BPI: variants seen among roughly 807,000 people sequenced by gnomAD.
BPI encodes bactericidal permeability increasing protein.
BPI carries 48 observed loss-of-function variants against 57.6 expected under a neutral mutation model. The ratio of observed to expected loss-of-function variants is 0.83; its 90% confidence interval spans 0.66 to 1.06. The LOEUF (loss-of-function observed/expected upper bound fraction) is 1.06. BPI is among the 50% of genes least tolerant of loss of function. The pLI is 0.00. For missense variants in BPI, 651 were observed against 609.7 expected, an observed-to-expected ratio of 1.07 and a Z score of -0.71; for synonymous variants, 237 against 238.2, an observed-to-expected ratio of 0.99 and a Z score of 0.05.
chr20:38,323,962 G>A lies in BPI; in HGVS notation c.849G>A (p.Leu283=). The change falls in exon 8 of 15, where the codon CTG becomes CTA. Residue 283 remains leucine, a synonymous_variant. Coordinates refer to ENST00000642449, the MANE Select transcript of BPI (RefSeq NM_001725.3). ...CTGCCCATGACCGCATGGTATACCT[G>A]GGCCTCTCAGACTACTTCTTCAACA... The part of the protein sequence containing the change: ...FPAAHDRMVY[L]GLSDYFFNTA... 1 of 1,614,138 alleles carries A rather than the reference G, an allele frequency of 6.2e-7. No homozygotes were observed. Among genetic ancestry groups the A allele is most frequent in the Non-Finnish European group, 8.5e-7 (1 of 1,180,028 alleles).
chr20:38,310,833 G>C (rs1334990946), intron 4 of BPI, among the ~76,000 whole-genome samples, 181 bp downstream of exon 4: 1 of 152,226 alleles, frequency 6.6e-6, no homozygotes, highest in African/African-American at 2.4e-5. Context: ...CTTTCTCAAG[G>C]CATCATTTGT....
At chr20:38,324,512 G>A (rs1284225838) in intron 8 of BPI, among the ~76,000 whole-genome samples, 1 of 152,124 alleles carries the variant, frequency 6.6e-6, no homozygotes, top group Non-Finnish European at 1.5e-5. Flanking sequence ...TGGTTTGCAG[G>A]CAGATTGGGC....
intron 6 of BPI, 130 bp downstream of exon 6, chr20:38,318,606 G>T: frequency 5.1e-6 from 5 of 974,864 alleles, no homozygotes; most frequent in Non-Finnish European, 8.1e-6. Context: ...GAGCAGAGTA[G>T]TACATTATTT....
Position 38,334,378 on chromosome 20 carries a change from G to A in BPI, c.1273-52G>A, listed in dbSNP as rs2275956. ...TGGGGTGATGAGGACTGCTGGACCC[G>A]CAAGGTTCTGGCGATGCAGGGCCAT... On this transcript the variant is annotated intron_variant, in intron 12 of 14. Coordinates refer to ENST00000642449, the MANE Select transcript of BPI (RefSeq NM_001725.3). 475 of 1,547,780 alleles carry A rather than the reference G, an allele frequency of 3.1e-4. 6 individuals are homozygous for A. The East Asian group carries it at 8.8e-3, about 29-fold the overall frequency.
chr20:38,319,436 T>C (rs2076669690), intron 6 of BPI, among the ~76,000 whole-genome samples: 1 of 152,140 alleles, frequency 6.6e-6, no homozygotes. Context: ...GGTTGGCACA[T>C]AGTATATGCC....
intron 12 of BPI, among the ~76,000 whole-genome samples, chr20:38,331,392 A>C (rs2076741940): frequency 6.6e-6 from 1 of 152,180 alleles, no homozygotes; most frequent in Admixed American, 6.5e-5. Context: ...TGGTAGAGAA[A>C]ATCTGCTCAA....
chr20:38,316,338 G>A (rs2076651913), intron 5 of BPI, among the ~76,000 whole-genome samples: 1 of 152,216 alleles, frequency 6.6e-6, no homozygotes, highest in South Asian at 2.1e-4. Context: ...CCCTAAGGAG[G>A]ATTAAGAACC....
At position 38,332,026 on chromosome 20, in the gene BPI, G is replaced by A. The variant is rs2076745284; in HGVS notation, c.1272+936G>A. On this transcript the variant is annotated intron_variant, in intron 12 of 14. Transcript: ENST00000642449. Reference sequence around the variant, plus strand: ...GGAGAAGGAGCCAGCAGAGGAAACAGCAGGGGCAAAAGCCCTGTGGTAGAG... The same window carrying A: ...GGAGAAGGAGCCAGCAGAGGAAACAACAGGGGCAAAAGCCCTGTGGTAGAG... Among the ~76,000 whole-genome samples, 2 of 152,198 alleles carry A rather than the reference G, an allele frequency of 1.3e-5. 1 individual carries two copies. The highest frequency in any genetic ancestry group is 4.8e-5 in the African/African-American group (2 of 41,440).
At chr20:38,312,237 G>C (rs1454589480) in intron 5 of BPI, among the ~76,000 whole-genome samples, 1 of 151,956 alleles carries the variant, frequency 6.6e-6, no homozygotes, top group Non-Finnish European at 1.5e-5. Flanking sequence ...TTCTCTTTCT[G>C]CCTCCCTCTC....
Position 38,326,395 on chromosome 20 carries a change from C to T in BPI, c.1124C>T (p.Pro375Leu), listed in dbSNP as rs559600284. 5.6e-6 allele frequency: 9 copies of T among 1,614,102 alleles called. No individual in the cohort carries two copies. The African/African-American group carries it at 1.2e-4, about 22-fold the overall frequency. The change falls in exon 10 of 15, where the codon CCC becomes CTC. Residue 375 changes from proline (P) to leucine (L), a missense_variant. Coordinates refer to ENST00000642449, the MANE Select transcript of BPI (RefSeq NM_001725.3). ...AVDVQAFAVL[P>L]NSSLASLFLI... is the part of the protein sequence containing the mutation. ...GATGTCCAGGCCTTTGCCGTCCTCC[C>T]CAACTCCTCCCTGGCTTCCCTCTTC...
Position 38,313,298 on chromosome 20 carries a change from G to A in BPI, c.600+1361G>A, listed in dbSNP as rs370385122. On this transcript the variant is annotated intron_variant, in intron 5 of 14. Transcript: ENST00000642449. ...CTCGGCATGCTGAGGCAGGAGAATC[G>A]CTTGAACTTGGGAGGTGGAGGTTGT... Among the ~76,000 whole-genome samples, 8 of 147,652 alleles carry A rather than the reference G, an allele frequency of 5.4e-5. No individual in the cohort carries two copies. The South Asian group carries it at 6.4e-4, about 12-fold the overall frequency.
At chr20:38,305,779 G>A (rs1294769664) in intron 1 of BPI, among the ~76,000 whole-genome samples, 1 of 152,144 alleles carries the variant, frequency 6.6e-6, no homozygotes, top group Non-Finnish European at 1.5e-5. Flanking sequence ...CTACTTCCTA[G>A]GATTGTACAA....
chr20:38,319,911 C>A, intron 6 of BPI: 1 of 437,604 alleles, frequency 2.3e-6, no homozygotes. Context: ...GAGTTTGGTT[C>A]AAGCCTAGGT....
chr20:38,331,202 A>C lies in BPI; in HGVS notation c.1272+112A>C, dbSNP rs982590115. ...AGAGGCTACTGGCTCATTTGCATTT[A>C]ATTTGGTTGTGAATTAATAGTTCAA... On this transcript the variant is annotated intron_variant, in intron 12 of 14. Coordinates refer to ENST00000642449, the MANE Select transcript of BPI (RefSeq NM_001725.3). 7 of 1,330,658 alleles carry C rather than the reference A, an allele frequency of 5.3e-6. No homozygotes were observed. The African/African-American group carries it at 8.8e-5, about 17-fold the overall frequency. The allele number at this position is 1,330,658 out of a possible 1,614,324, so 82.4% of individuals were successfully genotyped here.
intron 1 of BPI, among the ~76,000 whole-genome samples, chr20:38,307,178 G>A (rs917081244): frequency 5.9e-5 from 9 of 152,014 alleles, no homozygotes; most frequent in Non-Finnish European, 1.0e-4. Flanking sequence ...CAGCCTGGGC[G>A]ACACAGCGAG....
intron 13 of BPI, among the ~76,000 whole-genome samples, chr20:38,335,212 G>C (rs545250336): frequency 6.6e-6 from 1 of 152,120 alleles, no homozygotes; most frequent in Non-Finnish European, 1.5e-5. Context: ...CCTGGCCACT[G>C]TCCACCTCTG....
chr20:38,337,267 C>T lies in BPI; in HGVS notation c.*83C>T, dbSNP rs1182907672. ...ACCGGCTGCCTTTCCCCAGGGAATC[C>T]TCTCCAGATCTTAACCAAGAGCCCC... On this transcript the variant is annotated 3_prime_UTR_variant, in exon 15 of 15. Transcript: ENST00000642449. 3.2e-5 allele frequency: 39 copies of T among 1,217,854 alleles called. No individual in the cohort carries two copies. Among genetic ancestry groups the T allele is most frequent in the Non-Finnish European group, 4.5e-5 (39 of 865,326 alleles). The allele number at this position is 1,217,854 out of a possible 1,614,324, so 75.4% of individuals were successfully genotyped here.
intron 5 of BPI, 128 bp from the exon 6 acceptor site, chr20:38,318,285 A>T (rs1185190166): frequency 9.9e-6 from 12 of 1,206,576 alleles, no homozygotes; most frequent in Non-Finnish European, 1.3e-5. Flanking sequence ...AAGAAAAGGG[A>T]AACTTGATTG....
chr20:38,311,895 C>CA lies in BPI; in HGVS notation c.565dup (p.Ile189AsnfsTer2), dbSNP rs1600699920. On this transcript the variant is annotated frameshift_variant, in exon 5 of 15. Transcript: ENST00000642449. LOFTEE classifies it high-confidence loss of function. Reference sequence around the variant, plus strand: ...CTAGGTGGCTGATCCAACTCTTCCACAAAAAAATTGAGTCTGCGCTTCGAA... The same window carrying CA: ...CTAGGTGGCTGATCCAACTCTTCCACAAAAAAAATTGAGTCTGCGCTTCGAA... 1.9e-6 allele frequency: 3 copies of CA among 1,613,922 alleles called. No individual in the cohort carries two copies. The highest frequency in any genetic ancestry group is 2.5e-6 in the Non-Finnish European group (3 of 1,179,960).
Sources: gnomAD v4.1 joint callset for allele counts (sites outside exome capture counted in the v4.1 genomes callset) on GRCh38, gnomAD v4.1.1 for gene constraint, MANE v1.5 for transcripts, NCBI Gene and HGNC (gene_info 2026-07-23, HGNC 2026-07-21) for gene names.